Variants in HS6ST3 observed in about 807,000 individuals in gnomAD.
HS6ST3 encodes the protein heparan-sulfate 6-O-sulfotransferase 3.
HS6ST3 carries 12 observed loss-of-function variants against 36.7 expected under a neutral mutation model. The observed-to-expected ratio is 0.33, with a 90% confidence interval of 0.21 to 0.53. The LOEUF is 0.53. Among genes scored for constraint, HS6ST3 ranks in the 20% least tolerant of loss-of-function variants. The probability of loss-of-function intolerance (pLI) is 0.95; values close to 1 mark genes in which losing one functional copy is unlikely to be tolerated. For missense variants in HS6ST3, 584 were observed against 640.9 expected (o/e 0.91, Z 0.96); for synonymous variants, 240 against 257.5 (o/e 0.93, Z 0.65).
intron 1 of HS6ST3, among the ~76,000 whole-genome samples, chr13:96,300,511 C>G (rs535836203): frequency 1.3e-5 from 2 of 152,204 alleles, no homozygotes; most frequent in South Asian, 2.1e-4. Context: ...GGCGGTGATA[C>G]AGAGCCAAAC....
chr13:96,653,696 T>C (rs2056615185), intron 1 of HS6ST3, among the ~76,000 whole-genome samples: 1 of 152,204 alleles, frequency 6.6e-6, no homozygotes, highest in Non-Finnish European at 1.5e-5. Flanking sequence ...TATAGCAGAA[T>C]GATTTATAAT....
intron 1 of HS6ST3, among the ~76,000 whole-genome samples, chr13:96,736,133 T>G (rs988199719): frequency 4.6e-5 from 7 of 152,122 alleles, no homozygotes; most frequent in Non-Finnish European, 1.0e-4. Flanking sequence ...GCTTAATACC[T>G]GGGTGATGAA....
intron 1 of HS6ST3, among the ~76,000 whole-genome samples, chr13:96,149,196 G>A (rs1481590094): frequency 6.6e-6 from 1 of 151,880 alleles, no homozygotes; most frequent in East Asian, 1.9e-4. Context: ...TTGATGATTC[G>A]GGCTCCAGGT....
chr13:96,235,956 C>A (rs533779269), intron 1 of HS6ST3, among the ~76,000 whole-genome samples: 1 of 152,152 alleles, frequency 6.6e-6, no homozygotes, highest in Admixed American at 6.5e-5. Context: ...GGAAGCCAAT[C>A]CAAGCCCCAA....
chr13:96,277,271 T>C (rs1042343327), intron 1 of HS6ST3, among the ~76,000 whole-genome samples: 1 of 152,224 alleles, frequency 6.6e-6, no homozygotes, highest in African/African-American at 2.4e-5. Context: ...AGCTTACCTG[T>C]GACGTTATGG....
intron 1 of HS6ST3, among the ~76,000 whole-genome samples, chr13:96,757,855 A>T (rs572643363): frequency 6.6e-6 from 1 of 152,182 alleles, no homozygotes; most frequent in African/African-American, 2.4e-5. Flanking sequence ...TTTACACATT[A>T]TGAATTTAGT....
chr13:96,623,677 AT>A (rs1398585526), intron 1 of HS6ST3, among the ~76,000 whole-genome samples: 1 of 152,078 alleles, frequency 6.6e-6, no homozygotes, highest in Non-Finnish European at 1.5e-5. Context: ...AAACTAAATG[AT>A]TGGGAAAAGC....
chr13:96,778,834 A>T (rs1160766779), intron 1 of HS6ST3, among the ~76,000 whole-genome samples: 1 of 152,166 alleles, frequency 6.6e-6, no homozygotes, highest in East Asian at 1.9e-4. Context: ...TACCCAAAGG[A>T]TTATAAATCA....
At chr13:96,127,814 G>A (rs1481292350) in intron 1 of HS6ST3, among the ~76,000 whole-genome samples, 1 of 152,164 alleles carries the variant, frequency 6.6e-6, no homozygotes, top group East Asian at 1.9e-4. Context: ...GTGCTCATTG[G>A]TTGCTTAGGA....
At chr13:96,566,624 T>C (rs1374351093) in intron 1 of HS6ST3, among the ~76,000 whole-genome samples, 1 of 152,140 alleles carries the variant, frequency 6.6e-6, no homozygotes, top group Non-Finnish European at 1.5e-5. Context: ...AACTGGGTAA[T>C]TTATTAACTC....
chr13:96,259,025 G>A (rs1229918606), intron 1 of HS6ST3, among the ~76,000 whole-genome samples: 1 of 152,120 alleles, frequency 6.6e-6, no homozygotes, highest in Non-Finnish European at 1.5e-5. Flanking sequence ...TATAGTGAGG[G>A]GAAGGATATT....
intron 1 of HS6ST3, among the ~76,000 whole-genome samples, chr13:96,789,896 T>C (rs1877741062): frequency 1.3e-5 from 2 of 151,930 alleles, no homozygotes; most frequent in African/African-American, 2.4e-5. Flanking sequence ...GGGTTGGAAT[T>C]TTTTTAAGTT....
At chr13:96,298,334 CAT>C (rs2054865413) in intron 1 of HS6ST3, among the ~76,000 whole-genome samples, 1 of 152,146 alleles carries the variant, frequency 6.6e-6, no homozygotes, top group Non-Finnish European at 1.5e-5. Context: ...ACACAAAACA[CAT>C]AGCATGTGAT....
chr13:96,147,293 A>G (rs2054062810), intron 1 of HS6ST3, among the ~76,000 whole-genome samples: 1 of 152,146 alleles, frequency 6.6e-6, no homozygotes, highest in Non-Finnish European at 1.5e-5. Context: ...GGTTACCCCA[A>G]ATCACTCAAA....
chr13:96,807,373 G>C (rs1878219409), intron 1 of HS6ST3, among the ~76,000 whole-genome samples: 1 of 152,116 alleles, frequency 6.6e-6, no homozygotes, highest in Admixed American at 6.5e-5. Flanking sequence ...ATTGTTGTAG[G>C]TAATTAGATA....
chr13:96,489,300 T>C (rs542135348), intron 1 of HS6ST3, among the ~76,000 whole-genome samples: 15 of 151,796 alleles, frequency 9.9e-5, no homozygotes, highest in Non-Finnish European at 2.2e-4. Context: ...TCATGTTAAT[T>C]AGTGGCTCTG....
intron 1 of HS6ST3, among the ~76,000 whole-genome samples, chr13:96,747,024 T>A (rs1876578987): frequency 6.6e-6 from 1 of 152,124 alleles, no homozygotes; most frequent in Non-Finnish European, 1.5e-5. Flanking sequence ...ACTGCGAGAC[T>A]ATTTTTTTTT....
intron 1 of HS6ST3, among the ~76,000 whole-genome samples, chr13:96,663,021 T>A (rs913306994): frequency 3.9e-5 from 6 of 152,094 alleles, no homozygotes; most frequent in African/African-American, 1.4e-4. Context: ...TGCCCTAAGT[T>A]CCCTGTTTAG....
intron 1 of HS6ST3, among the ~76,000 whole-genome samples, chr13:96,746,540 C>T (rs1393400830): frequency 6.6e-6 from 1 of 151,886 alleles, no homozygotes; most frequent in Non-Finnish European, 1.5e-5. Flanking sequence ...TAGGTGCTTC[C>T]CATATGAGAT....
Sources: allele counts gnomAD v4.1 joint callset (sites outside exome capture counted in the v4.1 genomes callset), GRCh38; gene constraint gnomAD v4.1.1; transcripts MANE v1.5; gene names NCBI Gene and HGNC (gene_info 2026-07-23, HGNC 2026-07-21).